The following GRM8 variants were observed in gnomAD, a reference collection of about 807,000 sequenced individuals.
The protein encoded by GRM8 is metabotropic glutamate receptor 8.
In GRM8, 47 loss-of-function variants were observed where a neutral mutation model predicts 87.2. The observed-to-expected ratio is 0.54, with a 90% confidence interval of 0.43 to 0.69. The LOEUF is 0.69. Ranked by LOEUF, GRM8 falls within the 30% of genes least tolerant of loss-of-function variation. GRM8 has a pLI of 0.00. For synonymous variants in GRM8, 396 were observed against 404.5 expected (o/e 0.98, Z 0.25); for missense variants, 1,019 against 1,139.2 (o/e 0.89, Z 1.52).
At position 126,647,132 on chromosome 7, in the gene GRM8, G is replaced by A. The variant is rs58074196; in HGVS notation, c.1358-37634C>T. ...AGGAGCCAAGCACAGTGGTGCATGC[G>A]TGCAGTCCCAGCTACTCAGGAAGTG... On this transcript the variant is annotated intron_variant, in intron 7 of 10. Transcript: ENST00000339582. Among the ~76,000 whole-genome samples, 10 of 151,882 alleles carry A rather than the reference G, an allele frequency of 6.6e-5. 2 individuals are homozygous for A. The highest frequency in any genetic ancestry group is 5.9e-4 in the Admixed American group (9 of 15,244).
chr7:127,004,539 G>A (rs1031757968), intron 3 of GRM8, among the ~76,000 whole-genome samples: 10 of 151,360 alleles, frequency 6.6e-5, no homozygotes, highest in African/African-American at 2.2e-4. Context: ...CCGATATTGA[G>A]GTAAAAAATA....
At chr7:126,554,322 G>A (rs1246438842) in intron 8 of GRM8, among the ~76,000 whole-genome samples, 2 of 152,050 alleles carry the variant, frequency 1.3e-5, no homozygotes, top group South Asian at 4.1e-4. Flanking sequence ...GCTCATGCCT[G>A]TAATCCCAGC....
At chr7:126,649,386 T>C (rs1215644997) in intron 7 of GRM8, among the ~76,000 whole-genome samples, 3 of 152,140 alleles carry the variant, frequency 2.0e-5, no homozygotes, top group South Asian at 2.1e-4. Flanking sequence ...CCTACATCTT[T>C]CTCCCATGCT....
rs1433247362 is a variant in GRM8 at position 127,196,460 on chromosome 7, T to C, written c.510+46235A>G. Reference sequence around the variant, plus strand: ...TGAACCCAGGAGGCAGAGGTTGCAGTGAGCCAAGATCACACCACTGCACTC... The same window carrying C: ...TGAACCCAGGAGGCAGAGGTTGCAGCGAGCCAAGATCACACCACTGCACTC... On this transcript the variant is annotated intron_variant, in intron 2 of 10. Coordinates refer to ENST00000339582, the MANE Select transcript of GRM8 (RefSeq NM_000845.3). Among the ~76,000 whole-genome samples, 7 of 151,456 alleles carry C rather than the reference T, an allele frequency of 4.6e-5. No individual in the cohort carries two copies. In the East Asian group the frequency reaches 1.2e-3, roughly 25 times the overall value.
rs553654030 is a variant in GRM8 at position 127,212,519 on chromosome 7, G to A, written c.510+30176C>T. Among the ~76,000 whole-genome samples, 11 of 144,442 alleles carry A rather than the reference G, an allele frequency of 7.6e-5. 1 individual carries two copies. In the East Asian group the frequency reaches 1.7e-3, roughly 22 times the overall value. The allele number at this position is 144,442 out of a possible 152,430, so 94.8% of individuals were successfully genotyped here. A position where few individuals can be genotyped will look rare whatever the true frequency, so the allele number is the denominator to read the frequency against. The stretch of plus-strand genomic sequence containing the variant: ...TGCAAGCTCCGCCTCCCGGGTTCAC[G>A]CCATTCTCCTGCCTCAGCCTCCCAA... On this transcript the variant is annotated intron_variant, in intron 2 of 10. Coordinates refer to ENST00000339582, the MANE Select transcript of GRM8 (RefSeq NM_000845.3).
At chr7:126,488,245 T>C (rs933718916) in intron 9 of GRM8, among the ~76,000 whole-genome samples, 8 of 152,046 alleles carry the variant, frequency 5.3e-5, no homozygotes, top group Admixed American at 4.6e-4. Flanking sequence ...TTGGTGGTAG[T>C]GCCAACATTC....
chr7:127,149,801 C>T (rs953851169), intron 2 of GRM8, among the ~76,000 whole-genome samples: 5 of 151,464 alleles, frequency 3.3e-5, no homozygotes, highest in Admixed American at 6.6e-5. Context: ...AAGGCAGACA[C>T]GGGGGAAAAA....
intron 8 of GRM8, among the ~76,000 whole-genome samples, chr7:126,556,385 G>C (rs1007818155): frequency 3.5e-5 from 5 of 142,702 alleles, no homozygotes; most frequent in African/African-American, 1.0e-4. Flanking sequence ...GGTAGCTCAT[G>C]TCTGCAATCT....
chr7:126,503,827 AC>A (rs1290049508), intron 9 of GRM8, among the ~76,000 whole-genome samples: 4 of 152,004 alleles, frequency 2.6e-5, no homozygotes. Flanking sequence ...GGCATCTATC[AC>A]TTACGGGCTG....
chr7:126,618,850 C>A (rs1158911281), intron 7 of GRM8, among the ~76,000 whole-genome samples: 1 of 152,050 alleles, frequency 6.6e-6, no homozygotes, highest in East Asian at 1.9e-4. Flanking sequence ...GTTAGAATGG[C>A]GATCATTAAA....
At chr7:126,948,231 A>T (rs1003628515) in intron 3 of GRM8, among the ~76,000 whole-genome samples, 3 of 152,036 alleles carry the variant, frequency 2.0e-5, no homozygotes, top group African/African-American at 7.3e-5. Context: ...CAGAGGAAAG[A>T]ATACCTTACT....
At chr7:126,723,177 A>T (rs565020025) in intron 7 of GRM8, among the ~76,000 whole-genome samples, 1 of 151,806 alleles carries the variant, frequency 6.6e-6, no homozygotes, top group Admixed American at 6.6e-5. Flanking sequence ...CTGCCTCTTC[A>T]TCTAGATGAA....
chr7:126,992,772 G>C (rs2131960819), intron 3 of GRM8, among the ~76,000 whole-genome samples: 1 of 151,850 alleles, frequency 6.6e-6, no homozygotes, highest in East Asian at 1.9e-4. Context: ...GTCTTTATAA[G>C]AAGAAACACC....
chr7:126,740,320 T>C (rs17619947), intron 7 of GRM8, among the ~76,000 whole-genome samples: 59,318 of 151,926 alleles, frequency 0.39, 12,796 homozygotes, highest in Non-Finnish European at 0.48. Context: ...TGATTATTAA[T>C]ATGGGGCAAT....
At chr7:127,222,268 C>T (rs546331882) in intron 2 of GRM8, among the ~76,000 whole-genome samples, 11 of 152,288 alleles carry the variant, frequency 7.2e-5, no homozygotes, top group South Asian at 4.1e-4. Context: ...AGTAGCTGGG[C>T]GTGGTGGCAC....
chr7:127,047,110 G>T (rs543194873), intron 3 of GRM8, among the ~76,000 whole-genome samples: 6 of 152,124 alleles, frequency 3.9e-5, no homozygotes, highest in African/African-American at 1.2e-4. Flanking sequence ...TACAGCCTAC[G>T]CAACCTGTTT....
intron 9 of GRM8, among the ~76,000 whole-genome samples, chr7:126,516,809 T>C (rs1291613378): frequency 6.6e-6 from 1 of 152,128 alleles, no homozygotes; most frequent in Non-Finnish European, 1.5e-5. Context: ...TTAAGATATC[T>C]CAAAGTTAAT....
rs775495260 is a variant in GRM8, at chr7:126,685,532, C to T, written c.1358-76034G>A. 6.6e-6 allele frequency among the ~76,000 whole-genome samples: 1 copy of T among 152,164 alleles called. No homozygotes were observed. Among genetic ancestry groups the T allele is most frequent in the African/African-American group, 2.4e-5 (1 of 41,462 alleles). ...GCAGGCTTGGAGGTGCCTGCTTCCA[C>T]TGCCTGGCTTCTCCCCACTGTCAGT... On this transcript the variant is annotated intron_variant, in intron 7 of 10. Coordinates refer to ENST00000339582, the MANE Select transcript of GRM8 (RefSeq NM_000845.3). This position sits in a 1 kb window ranked among gnomAD's most constrained non-coding sequence, Gnocchi z 4.2.
rs141180480 is a variant in GRM8 at position 126,820,772 on chromosome 7, A to G, written c.1157-50707T>C. ...TTTCCAACCCTGCCATCTTCCTCCTATGAGCTGAAGGCCTCACCACTGCTT... is the reference window on the plus strand; with the variant it reads ...TTTCCAACCCTGCCATCTTCCTCCTGTGAGCTGAAGGCCTCACCACTGCTT... On this transcript the variant is annotated intron_variant, in intron 6 of 10. Transcript: ENST00000339582. Among the ~76,000 whole-genome samples, 19 of 152,178 alleles carry G rather than the reference A, an allele frequency of 1.2e-4. 2 individuals are homozygous for G. In the East Asian group the frequency reaches 1.7e-3, roughly 14 times the overall value.
Sources: allele counts gnomAD v4.1 joint callset (sites outside exome capture counted in the v4.1 genomes callset), GRCh38; gene constraint gnomAD v4.1.1; non-coding constraint Gnocchi (gnomAD v3.1); transcripts MANE v1.5; gene names NCBI Gene and HGNC (gene_info 2026-07-23, HGNC 2026-07-21).